Variants in STX18 observed in about 807,000 individuals in gnomAD.
STX18 encodes syntaxin 18, also known as syntaxin-18.
A neutral mutation model predicts 50.1 loss-of-function variants in STX18; 40 were observed. The ratio of observed to expected loss-of-function variants is 0.80; its 90% confidence interval spans 0.62 to 1.04. The LOEUF (loss-of-function observed/expected upper bound fraction) is 1.04. Ranked by LOEUF, STX18 falls within the 50% of genes least tolerant of loss-of-function variation. The probability of loss-of-function intolerance (pLI) is 0.00; values close to 1 mark genes in which losing one functional copy is unlikely to be tolerated. For missense variants in STX18, 410 were observed against 415.8 expected, an observed-to-expected ratio of 0.99 and a Z score of 0.12; for synonymous variants, 158 against 151.8, an observed-to-expected ratio of 1.04 and a Z score of -0.30.
chr4:4,530,327 G>T (rs1265818523), intron 1 of STX18, among the ~76,000 whole-genome samples: 1 of 151,540 alleles, frequency 6.6e-6, no homozygotes, highest in South Asian at 2.1e-4. Context: ...AGTTTTAATT[G>T]TAATTGGTTT....
At chr4:4,492,530 A>G (rs1167541022) in intron 1 of STX18, among the ~76,000 whole-genome samples, 6 of 152,162 alleles carry the variant, frequency 3.9e-5, no homozygotes, top group Non-Finnish European at 8.8e-5. Context: ...GACAATAACA[A>G]TTAGGAGAAT....
chr4:4,423,406 G>T, intron 9 of STX18, 112 bp downstream of exon 9: 1 of 1,008,252 alleles, frequency 9.9e-7, no homozygotes, highest in Non-Finnish European at 1.5e-6. Flanking sequence ...AGCAACACAT[G>T]GCTCTGCTCC....
intron 8 of STX18, 56 bp downstream of exon 8, chr4:4,425,108 G>A: frequency 6.6e-7 from 1 of 1,526,246 alleles, no homozygotes; most frequent in Non-Finnish European, 9.1e-7. Flanking sequence ...AAAGTTCCTA[G>A]TTCCTGGAAA....
chr4:4,515,026 A>G (rs1044839066), intron 1 of STX18, among the ~76,000 whole-genome samples: 2 of 152,172 alleles, frequency 1.3e-5, no homozygotes, highest in African/African-American at 2.4e-5. Context: ...CATTCAACAT[A>G]AGGTACTTGT....
At chr4:4,447,483 C>A (rs913173428) in intron 5 of STX18, among the ~76,000 whole-genome samples, 1 of 150,638 alleles carries the variant, frequency 6.6e-6, no homozygotes, top group Admixed American at 6.6e-5. Flanking sequence ...CCCAGCTACT[C>A]GGGAGGCTGA....
At chr4:4,539,421 C>G (rs1402034616) in intron 1 of STX18, among the ~76,000 whole-genome samples, 1 of 152,224 alleles carries the variant, frequency 6.6e-6, no homozygotes, top group Non-Finnish European at 1.5e-5. Context: ...ACATCCATCA[C>G]TAGCTCTTCT....
chr4:4,500,429 A>G (rs566298767), intron 1 of STX18, among the ~76,000 whole-genome samples: 1 of 152,234 alleles, frequency 6.6e-6, no homozygotes, highest in Admixed American at 6.5e-5. Flanking sequence ...AACTATTTAC[A>G]TAGTACATAC....
At chr4:4,523,681 T>C (rs548708694) in intron 1 of STX18, among the ~76,000 whole-genome samples, 1 of 152,196 alleles carries the variant, frequency 6.6e-6, no homozygotes, top group Non-Finnish European at 1.5e-5. Context: ...TGCTGTATCT[T>C]GACTAGACTT....
chr4:4,457,060 C>T (rs1190111632), intron 5 of STX18, 131 bp downstream of exon 5: 16 of 813,484 alleles, frequency 2.0e-5, no homozygotes, highest in Non-Finnish European at 2.7e-5. Flanking sequence ...TGCCCGGTAG[C>T]GCCAGCTATG....
intron 2 of STX18, among the ~76,000 whole-genome samples, chr4:4,459,751 C>G (rs986839894): frequency 5.9e-5 from 9 of 152,066 alleles, no homozygotes; most frequent in African/African-American, 2.2e-4. Flanking sequence ...GGAGAAGGAG[C>G]GTGGAGTCAG....
chr4:4,453,459 A>G (rs1726873194), intron 5 of STX18, among the ~76,000 whole-genome samples: 1 of 152,252 alleles, frequency 6.6e-6, no homozygotes, highest in Non-Finnish European at 1.5e-5. Context: ...ACTTTCAGCA[A>G]TAAAGTATGT....
chr4:4,484,760 C>T (rs925884129), intron 1 of STX18, among the ~76,000 whole-genome samples: 7 of 152,196 alleles, frequency 4.6e-5, no homozygotes, highest in African/African-American at 1.7e-4. Flanking sequence ...CAAAACTACA[C>T]AATAGGCTGG....
At chr4:4,456,263 C>T (rs1396334562) in intron 5 of STX18, among the ~76,000 whole-genome samples, 1 of 146,854 alleles carries the variant, frequency 6.8e-6, no homozygotes, top group Admixed American at 6.7e-5. Context: ...GTCTCAAAAA[C>T]AAAAAAAACA....
At chr4:4,427,925 G>A (rs927674413) in intron 7 of STX18, among the ~76,000 whole-genome samples, 1 of 152,254 alleles carries the variant, frequency 6.6e-6, no homozygotes, top group African/African-American at 2.4e-5. Context: ...TAAGGGCTGA[G>A]GAGAGAGGTT....
intron 2 of STX18, among the ~76,000 whole-genome samples, chr4:4,465,946 A>G (rs73201710): frequency 0.16 from 24,728 of 152,172 alleles, 2,068 homozygotes; most frequent in African/African-American, 0.17. Flanking sequence ...TAGGCACTCA[A>G]TAAATAACTG....
chr4:4,437,768 A>C (rs1385401383), intron 6 of STX18, among the ~76,000 whole-genome samples: 1 of 152,198 alleles, frequency 6.6e-6, no homozygotes, highest in African/African-American at 2.4e-5. Flanking sequence ...ATGGCAAACT[A>C]TGCAGGCATC....
Position 4,478,224 on chromosome 4 carries a change from C to CAA in STX18, c.169-6520_169-6519dup, listed in dbSNP as rs71638565. Among the ~76,000 whole-genome samples, 396 of 110,880 alleles carry CAA rather than the reference C, an allele frequency of 3.6e-3. 5 individuals are homozygous for CAA. The highest frequency in any genetic ancestry group is 0.015 in the African/African-American group (358 of 23,142). The allele number at this position is 110,880 out of a possible 152,430, so 72.7% of individuals were successfully genotyped here. A position where few individuals can be genotyped will look rare whatever the true frequency, so the allele number is the denominator to read the frequency against. ...ACTACACTGGATACAGAAAGATCGG[C>CAA]AAAAAAAAAAAACAAAAACGTTTTC... On this transcript the variant is annotated intron_variant, in intron 1 of 10. Transcript: ENST00000306200.
intron 1 of STX18, among the ~76,000 whole-genome samples, chr4:4,476,758 T>G (rs996229541): frequency 5.3e-5 from 8 of 152,144 alleles, no homozygotes; most frequent in Non-Finnish European, 1.2e-4. Context: ...AGGATTTGCT[T>G]CACAATAAGA....
At chr4:4,435,625 C>T (rs114859256) in intron 6 of STX18, among the ~76,000 whole-genome samples, 4 of 152,198 alleles carry the variant, frequency 2.6e-5, no homozygotes, top group Non-Finnish European at 5.9e-5. Context: ...GCCATAACTA[C>T]GCTGACAGAC....
Sources: allele counts gnomAD v4.1 joint callset (sites outside exome capture counted in the v4.1 genomes callset), GRCh38; gene constraint gnomAD v4.1.1; transcripts MANE v1.5; gene names NCBI Gene and HGNC (gene_info 2026-07-23, HGNC 2026-07-21).